Variants in DCBLD1 observed in about 807,000 individuals in gnomAD.
The protein encoded by DCBLD1 is discoidin, CUB and LCCL domain-containing protein 1.
A neutral mutation model predicts 71.5 loss-of-function variants in DCBLD1; 57 were observed. The observed-to-expected ratio is 0.80, with a 90% CI of 0.64 to 0.99. The LOEUF is 0.99. DCBLD1 is among the 50% of genes least tolerant of loss of function. The pLI is 0.00. For missense variants in DCBLD1, 891 were observed against 923.5 expected (o/e 0.96, Z 0.46); for synonymous variants, 380 against 363.8 (o/e 1.04, Z -0.51).
chr6:117,485,200 T>G lies in DCBLD1; in HGVS notation c.112+2307T>G, dbSNP rs749155767. Among the ~76,000 whole-genome samples, 9 of 152,232 alleles carry G rather than the reference T, an allele frequency of 5.9e-5. No individual in the cohort carries two copies. In the East Asian group the frequency reaches 9.6e-4, roughly 16 times the overall value. On this transcript the variant is annotated intron_variant, in intron 1 of 14. Coordinates refer to ENST00000338728, the MANE Select transcript of DCBLD1 (RefSeq NM_001366458.2). Reference sequence around the variant, plus strand: ...TTTTTGTAGAATAAAATACCCTTCATTTGTGTAATGAATTTGTGCAACCTA... The same window carrying G: ...TTTTTGTAGAATAAAATACCCTTCAGTTGTGTAATGAATTTGTGCAACCTA...
chr6:117,499,786 A>C (rs1777591250), intron 1 of DCBLD1, among the ~76,000 whole-genome samples: 1 of 152,210 alleles, frequency 6.6e-6, no homozygotes. Context: ...AGAGAGAGTC[A>C]GGCTATGAGA....
intron 14 of DCBLD1, among the ~76,000 whole-genome samples, chr6:117,568,665 C>T (rs1779746526): frequency 6.6e-6 from 1 of 152,152 alleles, no homozygotes; most frequent in East Asian, 1.9e-4. Flanking sequence ...TTTTAGATGA[C>T]AGAATTAGAT....
chr6:117,499,802 G>C (rs1199898654), intron 1 of DCBLD1, among the ~76,000 whole-genome samples: 1 of 152,170 alleles, frequency 6.6e-6, no homozygotes, highest in Non-Finnish European at 1.5e-5. Context: ...TGAGAGGTAG[G>C]CTACCTGAGT....
intron 1 of DCBLD1, among the ~76,000 whole-genome samples, chr6:117,496,551 T>C (rs1777475889): frequency 6.6e-6 from 1 of 152,196 alleles, no homozygotes; most frequent in African/African-American, 2.4e-5. Context: ...GTTGAAAAGA[T>C]TGTAGTCATC....
rs1377532642 is a variant in DCBLD1, at chr6:117,543,182, T to G, written c.1416T>G (p.Ala472=). The change falls in exon 12 of 15, where the codon GCT becomes GCG. Residue 472 remains alanine (A), a synonymous_variant. Coordinates refer to ENST00000338728, the MANE Select transcript of DCBLD1 (RefSeq NM_001366458.2). ...TGCTCCTTGTTGTCCTGGTGTTTGCTGGAATGGGGATCTTTGCAGCCTTTA... is the reference window on the plus strand; with the variant it reads ...TGCTCCTTGTTGTCCTGGTGTTTGCGGGAATGGGGATCTTTGCAGCCTTTA... The part of the protein sequence containing the change: ...PLVLLVVLVF[A]GMGIFAAFRK... 3.7e-6 allele frequency: 6 copies of G among 1,614,178 alleles called. No homozygotes were observed. Among genetic ancestry groups the G allele is most frequent in the Non-Finnish European group, 5.1e-6 (6 of 1,180,004 alleles).
chr6:117,483,778 G>T (rs561799968), intron 1 of DCBLD1, among the ~76,000 whole-genome samples: 1 of 151,142 alleles, frequency 6.6e-6, no homozygotes, highest in Non-Finnish European at 1.5e-5. Flanking sequence ...GCTCCTGGCC[G>T]TATATGCCTG....
intron 5 of DCBLD1, among the ~76,000 whole-genome samples, chr6:117,526,727 T>C (rs1001655278): frequency 3.3e-5 from 5 of 152,354 alleles, no homozygotes; most frequent in Middle Eastern, 3.4e-3. Flanking sequence ...TGAAAGCTAC[T>C]CTCTTCAAAG....
At chr6:117,499,297 C>G (rs991823432) in intron 1 of DCBLD1, among the ~76,000 whole-genome samples, 6 of 148,470 alleles carry the variant, frequency 4.0e-5, no homozygotes, top group Non-Finnish European at 8.9e-5. Flanking sequence ...GTTCCAGCTA[C>G]TTGGGAGGCT....
At chr6:117,493,817 G>T (rs528933814) in intron 1 of DCBLD1, among the ~76,000 whole-genome samples, 4 of 152,142 alleles carry the variant, frequency 2.6e-5, no homozygotes, top group Admixed American at 6.5e-5. Flanking sequence ...TTCACACACA[G>T]AATAGAGATA....
In DCBLD1 at chr6:117,532,160, G is replaced by T. The variant is rs371369638; in HGVS notation, c.586-100G>T. ...GCCATTGGAAGGCTTTATTCATTGG[G>T]GCCACTACTATAAATTACCACAGAA... On this transcript the variant is annotated intron_variant, in intron 5 of 14. Coordinates refer to ENST00000338728, the MANE Select transcript of DCBLD1 (RefSeq NM_001366458.2). 17 of 1,487,982 alleles carry T rather than the reference G, an allele frequency of 1.1e-5. No homozygotes were observed. In the African/African-American group the frequency reaches 1.8e-4, roughly 16 times the overall value. The allele number at this position is 1,487,982 out of a possible 1,614,324, so 92.2% of individuals were successfully genotyped here.
intron 12 of DCBLD1, among the ~76,000 whole-genome samples, chr6:117,543,710 CTT>C (rs1779174593): frequency 6.6e-6 from 1 of 152,162 alleles, no homozygotes; most frequent in African/African-American, 2.4e-5. Flanking sequence ...TTGGTAAAGA[CTT>C]AACCTTTGAG....
At chr6:117,560,516 G>C (rs763360627) in intron 14 of DCBLD1, 22 of 194,466 alleles carry the variant, frequency 1.1e-4, no homozygotes, top group Non-Finnish European at 2.3e-4. Context: ...AAACCTTTTT[G>C]TTTCTAAACA....
At chr6:117,533,304 C>T (rs942424638) in intron 6 of DCBLD1, among the ~76,000 whole-genome samples, 7 of 152,124 alleles carry the variant, frequency 4.6e-5, no homozygotes, top group Non-Finnish European at 5.9e-5. Flanking sequence ...TATATTCTAT[C>T]ACTCATTAAT....
In DCBLD1 at chr6:117,549,675, A is replaced by G; in HGVS notation, c.*1236A>G. 1.0e-6 allele frequency: 1 copy of G among 985,408 alleles called. No individual in the cohort carries two copies. Among genetic ancestry groups the G allele is most frequent in the Non-Finnish European group, 1.2e-6 (1 of 829,938 alleles). 61.0% of individuals were successfully genotyped at this position (985,408 alleles called of 1,614,324 possible). On this transcript the variant is annotated 3_prime_UTR_variant, in exon 15 of 15. Coordinates refer to ENST00000338728, the MANE Select transcript of DCBLD1 (RefSeq NM_001366458.2). Reference sequence around the variant, plus strand: ...TGTGAAATGTATATATGTTAAAATAATGGGGGTGCTGGAAGGTCATGGCAG... The same window carrying G: ...TGTGAAATGTATATATGTTAAAATAGTGGGGGTGCTGGAAGGTCATGGCAG...
At chr6:117,493,937 A>G (rs974652572) in intron 1 of DCBLD1, among the ~76,000 whole-genome samples, 1 of 151,818 alleles carries the variant, frequency 6.6e-6, no homozygotes, top group Non-Finnish European at 1.5e-5. Context: ...TTGTGAAATT[A>G]CTCTTTGTAT....
chr6:117,540,617 C>A, intron 9 of DCBLD1, 51 bp from the exon 10 acceptor site: 4 of 1,607,610 alleles, frequency 2.5e-6, no homozygotes, highest in Non-Finnish European at 2.6e-6. Context: ...ATGATAAACA[C>A]CTAAAAACTC....
chr6:117,522,753 C>T (rs210647), intron 4 of DCBLD1, among the ~76,000 whole-genome samples: 60,964 of 151,978 alleles, frequency 0.4, 12,820 homozygotes, highest in Non-Finnish European at 0.44. Context: ...TCCTAGTGCT[C>T]GATATAGCTG....
At chr6:117,532,091 A>T (rs965418975) in intron 5 of DCBLD1, among the ~76,000 whole-genome samples, 169 bp from the exon 6 acceptor site, 1 of 152,232 alleles carries the variant, frequency 6.6e-6, no homozygotes. Context: ...AAAGCAAGTC[A>T]CATGGTCCAG....
Position 117,540,812 on chromosome 6 carries a change from C to G in DCBLD1, c.1246C>G (p.Gln416Glu). The G allele has an allele frequency of 1.9e-6, 3 of 1,614,210 alleles. No homozygotes were observed. In the South Asian group the frequency reaches 3.3e-5, roughly 18 times the overall value. Residue 416 changes from glutamine (Q) to glutamate (E), a missense_variant, in exon 10 of 15, where the codon CAA (glutamine) becomes GAA (glutamate). Gln to Glu is a conservative substitution (Grantham distance 29). Coordinates refer to ENST00000338728, the MANE Select transcript of DCBLD1 (RefSeq NM_001366458.2). ...KVELIGCQIT[Q>E]GNDSLVWRKT... is the part of the protein sequence containing the mutation. ...GGAGCTCATTGGTTGCCAGATTACA[C>G]AAGGTAGGGCTCAGGGCAAGCCAGT...
Sources: allele counts gnomAD v4.1 joint callset (sites outside exome capture counted in the v4.1 genomes callset), GRCh38; gene constraint gnomAD v4.1.1; transcripts MANE v1.5; gene names NCBI Gene and HGNC (gene_info 2026-07-23, HGNC 2026-07-21).